Variants in CDH12 observed in about 807,000 individuals in gnomAD.
The protein encoded by CDH12 is cadherin 12.
A neutral mutation model predicts 74.1 loss-of-function variants in CDH12; 41 were observed. The observed-to-expected ratio is 0.55, with a 90% CI of 0.43 to 0.72. The LOEUF is 0.72. Among genes scored for constraint, CDH12 ranks in the 30% least tolerant of loss-of-function variants. The probability of loss-of-function intolerance (pLI) is 0.00; values close to 1 mark genes in which losing one functional copy is unlikely to be tolerated. For missense variants in CDH12, 945 were observed against 977.2 expected, an observed-to-expected ratio of 0.97 and a Z score of 0.44; for synonymous variants, 399 against 355.0, an observed-to-expected ratio of 1.12 and a Z score of -1.39.
chr5:22,013,683 C>G (rs1209608552), intron 5 of CDH12, among the ~76,000 whole-genome samples: 1 of 151,962 alleles, frequency 6.6e-6, no homozygotes, highest in Non-Finnish European at 1.5e-5. Flanking sequence ...CTTAGCTATT[C>G]TTAATATAAA....
At chr5:22,654,689 G>A (rs755803395) in intron 1 of CDH12, among the ~76,000 whole-genome samples, 6 of 151,102 alleles carry the variant, frequency 4.0e-5, no homozygotes, top group Non-Finnish European at 8.8e-5. Flanking sequence ...AGGCTGGAGT[G>A]CAATGTCTCC....
chr5:22,628,770 G>A (rs904482095), intron 1 of CDH12, among the ~76,000 whole-genome samples: 8 of 152,036 alleles, frequency 5.3e-5, no homozygotes, highest in Admixed American at 3.9e-4. Flanking sequence ...GAAGGAAATT[G>A]AGATGTAAAA....
chr5:22,587,671 T>C lies in CDH12; in HGVS notation c.-522-82307A>G, dbSNP rs189573777. ...GTTGACCTTACCTCTACACATACCT[T>C]TATAACAACTAACAACTGTCCCTTT... On this transcript the variant is annotated intron_variant, in intron 1 of 14. Transcript: ENST00000382254. Among the ~76,000 whole-genome samples, 47 of 152,246 alleles carry C rather than the reference T, an allele frequency of 3.1e-4. 1 individual carries two copies. Among genetic ancestry groups the C allele is most frequent in the African/African-American group, 1.1e-3 (44 of 41,542 alleles).
intron 1 of CDH12, among the ~76,000 whole-genome samples, chr5:22,838,651 CTGTGTGTGTGTGTGTGTG>C (rs369033220): frequency 2.8e-5 from 4 of 143,858 alleles, no homozygotes; most frequent in Admixed American, 7.0e-5. Context: ...GTGAGAGTGT[CTGTGTGTGTGTGTGTGTG>C]TGTGTGTGTG....
At chr5:22,031,683 T>C (rs1406930986) in intron 5 of CDH12, among the ~76,000 whole-genome samples, 1 of 152,138 alleles carries the variant, frequency 6.6e-6, no homozygotes, top group Non-Finnish European at 1.5e-5. Context: ...AATTTCAATA[T>C]TGTTGTGTTT....
At chr5:22,514,382 G>A (rs1041947052) in intron 1 of CDH12, among the ~76,000 whole-genome samples, 1 of 152,144 alleles carries the variant, frequency 6.6e-6, no homozygotes, top group East Asian at 1.9e-4. Flanking sequence ...GTGCAGCAAA[G>A]CTGAAAGACA....
At chr5:22,143,561 G>C (rs547325039) in intron 4 of CDH12, 1 of 152,040 alleles carries the variant, frequency 6.6e-6, no homozygotes, top group East Asian at 1.9e-4. Context: ...TAGAGGCAAG[G>C]TTTCACCATC....
intron 3 of CDH12, among the ~76,000 whole-genome samples, chr5:22,377,760 T>C (rs185905823): frequency 3.3e-5 from 5 of 152,302 alleles, no homozygotes; most frequent in African/African-American, 9.6e-5. Flanking sequence ...ACATGTATCA[T>C]ATCTTTTTAA....
chr5:21,934,677 G>A (rs1306920099), intron 6 of CDH12, among the ~76,000 whole-genome samples: 1 of 152,182 alleles, frequency 6.6e-6, no homozygotes, highest in East Asian at 1.9e-4. Context: ...ATACCATAAG[G>A]AAGCACTAGA....
intron 1 of CDH12, among the ~76,000 whole-genome samples, chr5:22,848,610 C>T (rs1737412577): frequency 6.6e-6 from 1 of 152,086 alleles, no homozygotes; most frequent in African/African-American, 2.4e-5. Flanking sequence ...GGATCATTTT[C>T]CTTCTTGAAG....
intron 1 of CDH12, among the ~76,000 whole-genome samples, chr5:22,613,403 G>A (rs903724295): frequency 1.8e-4 from 28 of 152,032 alleles, no homozygotes; most frequent in Non-Finnish European, 2.8e-4. Context: ...TTAGATGATT[G>A]TAATCTTGTG....
At chr5:21,767,093 AAATG>A (rs1218113101) in intron 11 of CDH12, among the ~76,000 whole-genome samples, 2 of 151,948 alleles carry the variant, frequency 1.3e-5, no homozygotes, top group African/African-American at 4.8e-5. Context: ...AAAGTTTAGT[AAATG>A]AATGTGAATA....
chr5:22,488,191 A>G (rs1746687897), intron 2 of CDH12, among the ~76,000 whole-genome samples: 1 of 152,218 alleles, frequency 6.6e-6, no homozygotes, highest in Non-Finnish European at 1.5e-5. Context: ...TTCAAACAAA[A>G]TCTGCCAATA....
intron 3 of CDH12, among the ~76,000 whole-genome samples, chr5:22,262,268 C>T (rs185468260): frequency 0.11 from 12,069 of 113,010 alleles, 500 homozygotes; most frequent in South Asian, 0.2. Context: ...TCCCTCCCCC[C>T]TCCCCCCACC....
intron 4 of CDH12, among the ~76,000 whole-genome samples, chr5:22,119,285 GT>G (rs397996987): frequency 0.35 from 34,312 of 98,816 alleles, 4,331 homozygotes; most frequent in Middle Eastern, 0.43. Flanking sequence ...CTTCTACTTC[GT>G]TTTTTTTTTT....
intron 6 of CDH12, among the ~76,000 whole-genome samples, chr5:21,925,932 T>A (rs995094890): frequency 2.2e-5 from 2 of 92,042 alleles, no homozygotes; most frequent in African/African-American, 5.7e-5. Context: ...TCCAATAACA[T>A]GCTTTTGATA....
chr5:22,273,134 A>C lies in CDH12; in HGVS notation c.-332-60491T>G, dbSNP rs77551993. Among the ~76,000 whole-genome samples, 800 of 152,260 alleles carry C rather than the reference A, an allele frequency of 5.3e-3. 46 individuals are homozygous for C. In the East Asian group the frequency reaches 0.14, roughly 26 times the overall value. The stretch of plus-strand genomic sequence containing the variant: ...CAATTGGATTGCAATTCTGGATGAG[A>C]TTTGGGTGGGGACACAGAGTCAGAC... On this transcript the variant is annotated intron_variant, in intron 3 of 14. Transcript: ENST00000382254.
intron 3 of CDH12, among the ~76,000 whole-genome samples, chr5:22,244,697 G>T (rs1752867184): frequency 7.9e-6 from 1 of 126,366 alleles, no homozygotes; most frequent in East Asian, 2.3e-4. Context: ...GGAAAGAAAA[G>T]AAAAAGAAAG....
intron 1 of CDH12, among the ~76,000 whole-genome samples, chr5:22,810,409 C>T (rs76276108): frequency 3.7e-4 from 56 of 152,126 alleles, no homozygotes; most frequent in African/African-American, 1.3e-3. Flanking sequence ...TTGTTCATTA[C>T]GTGTTTCTCA....
Sources: gnomAD v4.1 joint callset for allele counts (sites outside exome capture counted in the v4.1 genomes callset) on GRCh38, gnomAD v4.1.1 for gene constraint, MANE v1.5 for transcripts, NCBI Gene and HGNC (gene_info 2026-07-23, HGNC 2026-07-21) for gene names.